The following DMD variants were observed in gnomAD, a reference collection of about 807,000 sequenced individuals.
The protein encoded by DMD is dystrophin, also known as mutant dystrophin.
Under a neutral mutation model 330.1 loss-of-function variants are expected in DMD, and 63 were observed. That is an observed-to-expected ratio of 0.19 (90% confidence interval 0.16 to 0.24). The LOEUF (loss-of-function observed/expected upper bound fraction) is 0.24, where lower values mean the gene tolerates loss of function less well. DMD is among the 10% of genes least tolerant of loss of function. DMD has a pLI of 1.00. For missense variants in DMD, 3,344 were observed against 2,684.1 expected (o/e 1.25, Z -5.43); for synonymous variants, 1,223 against 959.8 (o/e 1.27, Z -5.07).
intron 2 of DMD, among the ~76,000 whole-genome samples, chrX:32,884,841 A>G (rs926608913): frequency 4.5e-5 from 5 of 112,277 alleles, no homozygotes; most frequent in African/African-American, 1.6e-4. Flanking sequence ...GAAGTGTATC[A>G]CTGTCGCCTT....
rs1000155545 is a variant in DMD at position 31,966,388 on chromosome X, T to C, written c.6614+1951A>G. Among the ~76,000 whole-genome samples, 4 of 111,069 alleles carry C rather than the reference T, an allele frequency of 3.6e-5. No homozygotes were observed. The Admixed American group carries it at 3.9e-4, about 11-fold the overall frequency. On this transcript the variant is annotated intron_variant, in intron 45 of 78. Transcript: ENST00000357033. Reference sequence around the variant, plus strand: ...ATTACATTTTTACATTTCATAAAATTTAAGTGATATAAAAATCCTGAGGAA... The same window carrying C: ...ATTACATTTTTACATTTCATAAAATCTAAGTGATATAAAAATCCTGAGGAA...
intron 9 of DMD, among the ~76,000 whole-genome samples, chrX:32,669,861 T>C (rs908042536): frequency 9.0e-6 from 1 of 111,373 alleles, no homozygotes; most frequent in Admixed American, 9.6e-5. Context: ...GAGCATGATA[T>C]GCAAAATCCT....
chrX:33,019,910 A>G (rs1257492318), intron 2 of DMD, among the ~76,000 whole-genome samples: 8 of 111,742 alleles, frequency 7.2e-5, no homozygotes, highest in Non-Finnish European at 1.5e-4. Context: ...CACATTGTCA[A>G]GAAGAATCAA....
chrX:32,507,317 A>G (rs2044728210), intron 18 of DMD, among the ~76,000 whole-genome samples: 1 of 111,841 alleles, frequency 8.9e-6, no homozygotes, highest in East Asian at 2.8e-4. Flanking sequence ...TTTCTATTTT[A>G]TCTACATTGA....
intron 44 of DMD, among the ~76,000 whole-genome samples, chrX:32,009,465 TC>T (rs1332432353): frequency 4.5e-5 from 5 of 112,280 alleles, no homozygotes; most frequent in African/African-American, 1.6e-4. Context: ...ATTTTTAAAA[TC>T]CTTCACGATT....
At chrX:32,770,758 T>A (rs1195155032) in intron 7 of DMD, among the ~76,000 whole-genome samples, 1 of 111,393 alleles carries the variant, frequency 9.0e-6, no homozygotes, top group East Asian at 2.8e-4. Context: ...AGTCCTTAAC[T>A]TATGAAGCTT....
At chrX:32,693,240 C>A (rs2063410089) in intron 9 of DMD, among the ~76,000 whole-genome samples, 1 of 111,855 alleles carries the variant, frequency 8.9e-6, no homozygotes, top group Non-Finnish European at 1.9e-5. Context: ...GGCAGCCCTG[C>A]TGATATGTTA....
At chrX:32,797,070 G>C (rs1418551514) in intron 7 of DMD, among the ~76,000 whole-genome samples, 1 of 111,804 alleles carries the variant, frequency 8.9e-6, no homozygotes, top group Admixed American at 9.5e-5. Context: ...CCAGTGCCCA[G>C]CTTTAAGGTT....
intron 44 of DMD, among the ~76,000 whole-genome samples, chrX:32,095,836 T>G (rs1297622393): frequency 2.7e-5 from 3 of 111,708 alleles, no homozygotes; most frequent in African/African-American, 9.8e-5. Context: ...TAGTATGAAT[T>G]AAGCACATAT....
chrX:32,942,239 T>G (rs2090474193), intron 2 of DMD, among the ~76,000 whole-genome samples: 1 of 111,697 alleles, frequency 9.0e-6, no homozygotes, highest in Non-Finnish European at 1.9e-5. Flanking sequence ...GATTACTGAG[T>G]GTAAGAAAAG....
chrX:31,738,766 C>T (rs772683870), intron 51 of DMD, among the ~76,000 whole-genome samples: 6 of 112,267 alleles, frequency 5.3e-5, no homozygotes, highest in Non-Finnish European at 1.1e-4. Context: ...GAGATTCTGT[C>T]ATCTGCAACA....
chrX:31,187,431 G>A (rs1190257234), intron 67 of DMD, among the ~76,000 whole-genome samples: 1 of 111,475 alleles, frequency 9.0e-6, no homozygotes, highest in East Asian at 2.8e-4. Context: ...TGCGGAGAAT[G>A]TACCTCTATT....
chrX:31,923,913 G>A (rs1174632427), intron 47 of DMD, among the ~76,000 whole-genome samples: 1 of 111,614 alleles, frequency 9.0e-6, no homozygotes, highest in Admixed American at 9.5e-5. Context: ...TTATATAATA[G>A]CGTTTTAGCA....
chrX:33,110,108 C>G, intron 1 of DMD, among the ~76,000 whole-genome samples: 1 of 111,355 alleles, frequency 9.0e-6, no homozygotes, highest in Non-Finnish European at 1.9e-5. Context: ...CATGTTACCA[C>G]TAGAGAAACA....
chrX:32,259,494 C>A (rs2097313077), intron 43 of DMD, among the ~76,000 whole-genome samples: 1 of 110,713 alleles, frequency 9.0e-6, no homozygotes, highest in African/African-American at 3.3e-5. Flanking sequence ...TTCACTTAAA[C>A]ATATATAAAA....
At chrX:32,685,590 A>T (rs1426445991) in intron 9 of DMD, among the ~76,000 whole-genome samples, 2 of 112,100 alleles carry the variant, frequency 1.8e-5, no homozygotes, top group East Asian at 5.6e-4. Flanking sequence ...TTGTGAAGTA[A>T]TCCCATTGTT....
At chrX:32,423,461 C>T (rs1167155419) in intron 29 of DMD, among the ~76,000 whole-genome samples, 1 of 109,900 alleles carries the variant, frequency 9.1e-6, no homozygotes, top group Non-Finnish European at 1.9e-5. Context: ...TATATGTATA[C>T]ATATGTGCTT....
chrX:31,936,526 C>T (rs930928054), intron 45 of DMD, among the ~76,000 whole-genome samples: 5 of 111,770 alleles, frequency 4.5e-5, no homozygotes, highest in African/African-American at 1.6e-4. Context: ...TGTCAATTAT[C>T]GGCAATGTCT....
intron 62 of DMD, among the ~76,000 whole-genome samples, chrX:31,311,270 G>A (rs1011147604): frequency 4.5e-5 from 5 of 110,984 alleles, no homozygotes; most frequent in Non-Finnish European, 9.4e-5. Context: ...GGGGGGTGGT[G>A]TCAAAATCAA....
Sources: gnomAD v4.1 joint callset for allele counts (sites outside exome capture counted in the v4.1 genomes callset) on GRCh38, gnomAD v4.1.1 for gene constraint, MANE v1.5 for transcripts, NCBI Gene and HGNC (gene_info 2026-07-23, HGNC 2026-07-21) for gene names.